ATP8A2: variants seen among roughly 807,000 people sequenced by gnomAD.
The protein encoded by ATP8A2 is ATPase phospholipid transporting 8A2.
In ATP8A2, 100 loss-of-function variants were observed where a neutral mutation model predicts 165.6. That is an observed-to-expected ratio of 0.60 (90% CI 0.51 to 0.71). ATP8A2 has a LOEUF of 0.71. ATP8A2 is among the 30% of genes least tolerant of loss of function. The probability of loss-of-function intolerance (pLI) is 0.00; values close to 1 mark genes in which losing one functional copy is unlikely to be tolerated. For synonymous variants in ATP8A2, 543 were observed against 548.8 expected, an observed-to-expected ratio of 0.99 and a Z score of 0.15; for missense variants, 1,227 against 1,479.5, an observed-to-expected ratio of 0.83 and a Z score of 2.80.
chr13:25,515,642 C>T (rs1360776542), intron 2 of ATP8A2, among the ~76,000 whole-genome samples: 1 of 152,262 alleles, frequency 6.6e-6, no homozygotes, highest in East Asian at 1.9e-4. Context: ...TTTAAACTGA[C>T]TGCATATTTT....
At chr13:25,866,219 C>G (rs1593472161) in intron 33 of ATP8A2, among the ~76,000 whole-genome samples, 1 of 152,188 alleles carries the variant, frequency 6.6e-6, no homozygotes, top group African/African-American at 2.4e-5. Context: ...AGACCTGGCT[C>G]TGTTCATGCC....
At chr13:26,004,337 C>G (rs916107727) in intron 35 of ATP8A2, among the ~76,000 whole-genome samples, 2 of 152,036 alleles carry the variant, frequency 1.3e-5, no homozygotes, top group African/African-American at 4.8e-5. Context: ...TATAAAAACA[C>G]TACTCATTTC....
intron 2 of ATP8A2, among the ~76,000 whole-genome samples, chr13:25,471,507 T>C (rs2035845415): frequency 6.6e-6 from 1 of 152,182 alleles, no homozygotes; most frequent in Non-Finnish European, 1.5e-5. Context: ...CCTGCCCAGC[T>C]AATTTTTGTA....
intron 24 of ATP8A2, among the ~76,000 whole-genome samples, chr13:25,615,694 T>TG (rs1244381731): frequency 3.3e-5 from 5 of 152,214 alleles, no homozygotes; most frequent in Non-Finnish European, 7.3e-5. Context: ...ATGTGTACTC[T>TG]GGGGACTGAG....
chr13:25,898,191 C>CA (rs1953619660), intron 33 of ATP8A2, among the ~76,000 whole-genome samples: 1 of 152,180 alleles, frequency 6.6e-6, no homozygotes, highest in Non-Finnish European at 1.5e-5. Flanking sequence ...TGGTGACCTA[C>CA]AGATGGGATT....
intron 24 of ATP8A2, among the ~76,000 whole-genome samples, chr13:25,614,468 C>A (rs778998132): frequency 2.0e-5 from 3 of 152,088 alleles, no homozygotes; most frequent in Non-Finnish European, 4.4e-5. Context: ...TTCTCTGGTG[C>A]CTCCTTGAGT....
chr13:25,577,000 G>T, intron 19 of ATP8A2, 69 bp from the exon 20 acceptor site: 3 of 1,241,546 alleles, frequency 2.4e-6, no homozygotes, highest in Non-Finnish European at 2.3e-6. Flanking sequence ...TGTTTTGATT[G>T]GTGTTCAGCT....
At chr13:25,950,955 A>G (rs912590342) in intron 33 of ATP8A2, 3 of 152,186 alleles carry the variant, frequency 2.0e-5, no homozygotes, top group African/African-American at 4.8e-5. Flanking sequence ...CCTTTCCCCC[A>G]TGAGCCACTG....
chr13:25,618,637 G>C (rs763198586), intron 24 of ATP8A2, among the ~76,000 whole-genome samples: 2 of 149,522 alleles, frequency 1.3e-5, no homozygotes, highest in South Asian at 2.1e-4. Flanking sequence ...TTTTTTTTAA[G>C]AAGGAAACCC....
chr13:25,543,290 G>A lies in ATP8A2; in HGVS notation c.780-1G>A. The A allele has an allele frequency of 1.3e-6, 2 of 1,573,270 alleles. No homozygotes were observed. The highest frequency in any genetic ancestry group is 1.7e-6 in the Non-Finnish European group (2 of 1,149,206). ...ATATCATTGTTGTTTTTTATTTTTA[G>A]CCTTGTTGCCCTTGGGCCTGACCAG... is the stretch of plus-strand genomic sequence containing the variant. On this transcript the variant is annotated splice_acceptor_variant, in intron 9 of 36. Coordinates refer to ENST00000381655, the MANE Select transcript of ATP8A2 (RefSeq NM_016529.6). LOFTEE classifies it high-confidence loss of function.
intron 1 of ATP8A2, among the ~76,000 whole-genome samples, chr13:25,391,568 A>G (rs545331818): frequency 4.6e-5 from 7 of 152,356 alleles, no homozygotes; most frequent in African/African-American, 1.7e-4. Flanking sequence ...ACTGCTTTAC[A>G]TCATTGTTTT....
At chr13:25,729,565 A>G (rs1029628360) in intron 25 of ATP8A2, among the ~76,000 whole-genome samples, 3 of 152,162 alleles carry the variant, frequency 2.0e-5, no homozygotes, top group Non-Finnish European at 4.4e-5. Flanking sequence ...GATGTCATTT[A>G]TATGGACTGT....
intron 1 of ATP8A2, among the ~76,000 whole-genome samples, chr13:25,378,833 G>GAA: frequency 6.6e-6 from 1 of 152,240 alleles, no homozygotes; most frequent in Admixed American, 6.5e-5. Context: ...TGGGAAGAGA[G>GAA]CAAAGGAAGT....
chr13:25,652,535 G>A (rs576316778), intron 24 of ATP8A2, among the ~76,000 whole-genome samples: 27 of 152,122 alleles, frequency 1.8e-4, no homozygotes, highest in African/African-American at 4.1e-4. Flanking sequence ...AAAAAATTTA[G>A]GATATTTTTC....
rs71665615 is a variant in ATP8A2, at chr13:25,859,563, GAAAA to G, written c.2957-622_2957-619del. ...TTATAGTCATAGCCATCCTTGAAAA[GAAAA>G]AAAAAAAAAGGAAAATATAGGAAAA... On this transcript the variant is annotated intron_variant, in intron 30 of 36. Transcript: ENST00000381655. Among the ~76,000 whole-genome samples the G allele has an allele frequency of 7.2e-3, 935 of 130,234 alleles. 7 individuals are homozygous for G. Among genetic ancestry groups the G allele is most frequent in the African/African-American group, 0.025 (889 of 35,370 alleles). 85.4% of individuals were successfully genotyped at this position (130,234 alleles called of 152,430 possible).
intron 23 of ATP8A2, among the ~76,000 whole-genome samples, chr13:25,584,591 A>G (rs779659394): frequency 6.6e-6 from 1 of 152,230 alleles, no homozygotes; most frequent in Non-Finnish European, 1.5e-5. Flanking sequence ...TAATATTTAC[A>G]TATGAACATT....
At chr13:25,917,234 C>T (rs974179243) in intron 33 of ATP8A2, among the ~76,000 whole-genome samples, 2 of 152,196 alleles carry the variant, frequency 1.3e-5, no homozygotes, top group Non-Finnish European at 2.9e-5. Context: ...ATACAGTTAG[C>T]AAAGTTGACA....
At chr13:25,467,002 C>T (rs2035686742) in intron 1 of ATP8A2, among the ~76,000 whole-genome samples, 1 of 152,240 alleles carries the variant, frequency 6.6e-6, no homozygotes, top group Non-Finnish European at 1.5e-5. Context: ...AATGCTCCAA[C>T]ACCTGGCCTT....
chr13:25,804,196 C>T (rs1426210454), intron 27 of ATP8A2, among the ~76,000 whole-genome samples: 2 of 152,004 alleles, frequency 1.3e-5, no homozygotes, highest in African/African-American at 4.8e-5. Context: ...AATTAATAGT[C>T]ATTTTCTGCT....
Sources: allele counts gnomAD v4.1 joint callset (sites outside exome capture counted in the v4.1 genomes callset), GRCh38; gene constraint gnomAD v4.1.1; transcripts MANE v1.5; gene names NCBI Gene and HGNC (gene_info 2026-07-23, HGNC 2026-07-21).